The following FKBP15 variants were observed in gnomAD, a reference collection of about 807,000 sequenced individuals.
FKBP15 encodes FK506-binding protein 15.
A neutral mutation model predicts 158.1 loss-of-function variants in FKBP15; 106 were observed. The observed-to-expected ratio is 0.67, with a 90% CI of 0.57 to 0.79. The LOEUF (loss-of-function observed/expected upper bound fraction) is 0.79, where lower values mean the gene tolerates loss of function less well. FKBP15 is among the 30% of genes least tolerant of loss of function. The pLI is 0.00. For synonymous variants in FKBP15, 547 were observed against 548.6 expected (o/e 1.00, Z 0.04); for missense variants, 1,287 against 1,479.1 (o/e 0.87, Z 2.13).
rs182034110 is a variant in FKBP15 at position 113,164,010 on chromosome 9, A to G, written c.*2068T>C. On this transcript the variant is annotated 3_prime_UTR_variant, in exon 28 of 28. Transcript: ENST00000238256. The stretch of plus-strand genomic sequence containing the variant: ...CTGGATAGTTGAACCTCTTCACTTT[A>G]TAAAAAAGGAAAGAGAGAAAATCAC... 1 of 152,656 alleles carries G rather than the reference A, an allele frequency of 6.6e-6. No homozygotes were observed. The highest frequency in any genetic ancestry group is 1.5e-5 in the Non-Finnish European group (1 of 68,044). The allele number at this position is 152,656 out of a possible 1,614,324, so 9.5% of individuals were successfully genotyped here. A position where few individuals can be genotyped will look rare whatever the true frequency, so the allele number is the denominator to read the frequency against.
chr9:113,218,900 T>C (rs1396695917), intron 1 of FKBP15, among the ~76,000 whole-genome samples: 1 of 152,216 alleles, frequency 6.6e-6, no homozygotes, highest in African/African-American at 2.4e-5. Context: ...AGACTGGTGA[T>C]TTATCATTAC....
intron 8 of FKBP15, among the ~76,000 whole-genome samples, chr9:113,197,956 T>C (rs1830718967): frequency 6.6e-6 from 1 of 152,236 alleles, no homozygotes; most frequent in Non-Finnish European, 1.5e-5. Flanking sequence ...CATGAAATGA[T>C]GGAGAGAACC....
At chr9:113,211,861 G>C (rs1026021215) in intron 1 of FKBP15, among the ~76,000 whole-genome samples, 5 of 152,110 alleles carry the variant, frequency 3.3e-5, no homozygotes, top group Non-Finnish European at 7.4e-5. Flanking sequence ...CCAGGACCTT[G>C]GTCAAGGCAT....
At chr9:113,183,902 A>G in intron 17 of FKBP15, 57 bp from the exon 18 acceptor site, 1 of 1,317,730 alleles carries the variant, frequency 7.6e-7, no homozygotes, top group Non-Finnish European at 1.1e-6. Context: ...AGTGCCAGAT[A>G]GAAGAGAATC....
chr9:113,174,121 A>G (rs1381068962), intron 22 of FKBP15, among the ~76,000 whole-genome samples: 1 of 152,174 alleles, frequency 6.6e-6, no homozygotes, highest in East Asian at 1.9e-4. Context: ...AATGTGCCTG[A>G]AGGATGGTGT....
At position 113,161,767 on chromosome 9, in the gene FKBP15, C is replaced by G. The variant is rs751182305; in HGVS notation, c.*4311G>C. On this transcript the variant is annotated 3_prime_UTR_variant, in exon 28 of 28. Coordinates refer to ENST00000238256, the MANE Select transcript of FKBP15 (RefSeq NM_015258.2). ...ACCCTGAGAGACAGGCTGGCCCAGA[C>G]AGCATTAGCCCCACTTCACAGAGAG... is the stretch of plus-strand genomic sequence containing the variant. 1.6e-5 allele frequency: 24 copies of G among 1,525,584 alleles called. No individual in the cohort carries two copies. Among genetic ancestry groups the G allele is most frequent in the African/African-American group, 5.5e-5 (4 of 73,242 alleles). The allele number at this position is 1,525,584 out of a possible 1,614,324, so 94.5% of individuals were successfully genotyped here.
intron 24 of FKBP15, among the ~76,000 whole-genome samples, chr9:113,171,341 G>A (rs1029417969): frequency 2.0e-5 from 3 of 152,198 alleles, no homozygotes; most frequent in Non-Finnish European, 2.9e-5. Flanking sequence ...CAGGAGAATC[G>A]CTTGAACCTG....
At chr9:113,188,970 A>G (rs1830529536) in intron 12 of FKBP15, among the ~76,000 whole-genome samples, 1 of 152,244 alleles carries the variant, frequency 6.6e-6, no homozygotes, top group Admixed American at 6.5e-5. Context: ...CCTGATTAAC[A>G]TGCTGTTTTT....
intron 4 of FKBP15, among the ~76,000 whole-genome samples, chr9:113,205,281 A>T (rs1396918670): frequency 6.6e-6 from 1 of 152,234 alleles, no homozygotes; most frequent in Non-Finnish European, 1.5e-5. Context: ...AGGGTTTAAT[A>T]CTCAGAATAT....
At chr9:113,200,041 C>G in intron 6 of FKBP15, 78 bp from the exon 7 acceptor site, 3 of 1,408,870 alleles carry the variant, frequency 2.1e-6, no homozygotes, top group Non-Finnish European at 2.9e-6. Context: ...ACTGCTCTTT[C>G]TCAAATAGCT....
rs535686627 is a variant in FKBP15, at chr9:113,198,421, A to C, written c.717+434T>G. ...AACACATTTTCCCCTCGTATTCTTC[A>C]TCCAGGCATTTCCAGATGTCAAAAA... is the stretch of plus-strand genomic sequence containing the variant. On this transcript the variant is annotated intron_variant, in intron 8 of 27. Coordinates refer to ENST00000238256, the MANE Select transcript of FKBP15 (RefSeq NM_015258.2). This position sits in a 1 kb window ranked among gnomAD's most constrained non-coding sequence, Gnocchi z 5.2. Among the ~76,000 whole-genome samples the C allele has an allele frequency of 1.1e-4, 16 of 152,234 alleles. No individual in the cohort carries two copies. Among genetic ancestry groups the C allele is most frequent in the Non-Finnish European group, 1.6e-4 (11 of 68,038 alleles).
chr9:113,185,640 A>G (rs190609895), intron 15 of FKBP15, among the ~76,000 whole-genome samples: 1 of 152,280 alleles, frequency 6.6e-6, no homozygotes, highest in East Asian at 1.9e-4. Context: ...TACATTAGAT[A>G]CTCACATTTG....
In FKBP15 at chr9:113,186,241, C is replaced by T; in HGVS notation, c.1498+8G>A. On this transcript the variant is annotated splice_region_variant and intron_variant, in intron 15 of 27. Transcript: ENST00000238256. Reference sequence around the variant, plus strand: ...GGAAGATGAGAAACTGAGGGAATTACTCCCTACCTTGGAAATGGGGAGGCT... The same window carrying T: ...GGAAGATGAGAAACTGAGGGAATTATTCCCTACCTTGGAAATGGGGAGGCT... 1 of 1,546,652 alleles carries T rather than the reference C, an allele frequency of 6.5e-7. No individual in the cohort carries two copies. The highest frequency in any genetic ancestry group is 8.8e-7 in the Non-Finnish European group (1 of 1,141,048).
In FKBP15 at chr9:113,169,624, G is replaced by T. The variant is rs1764933327; in HGVS notation, c.3085C>A (p.Leu1029Met). 2 of 1,614,042 alleles carry T rather than the reference G, an allele frequency of 1.2e-6. No homozygotes were observed. Reference sequence around the variant, plus strand: ...ACTCTGTGGGATGGGATGCAAGACAGTTCGGGTGGAAGGGAACCATCTTTT... The same window carrying T: ...ACTCTGTGGGATGGGATGCAAGACATTTCGGGTGGAAGGGAACCATCTTTT... ...EIKDGSLPPE[L>M]SCIPSHRVLG... The change falls in exon 26 of 28, where the codon CTG becomes ATG. Residue 1029 changes from leucine (L) to methionine (M), a missense_variant. Transcript: ENST00000238256.
At chr9:113,189,551 A>C (rs1012035338) in intron 12 of FKBP15, among the ~76,000 whole-genome samples, 65 of 152,252 alleles carry the variant, frequency 4.3e-4, no homozygotes, top group South Asian at 2.7e-3. Flanking sequence ...GACCAGAAAA[A>C]AATAATCCTA....
At chr9:113,187,664 A>G in intron 14 of FKBP15, 129 bp downstream of exon 14, 2 of 721,580 alleles carry the variant, frequency 2.8e-6, no homozygotes, top group South Asian at 3.7e-5. Context: ...GTAACCAAGG[A>G]AGGGAAAAAA....
chr9:113,184,473 C>T lies in FKBP15; in HGVS notation c.1609-74G>A, dbSNP rs1044329321. On this transcript the variant is annotated intron_variant, in intron 16 of 27. Transcript: ENST00000238256. The surrounding 1 kb of genome is among the most constrained non-coding windows in gnomAD (Gnocchi z 4.5). ...AAATACAATTTACCCAAGATTTGAC[C>T]CTGTTGTTAAGGGGGTTAATGAGTT... is the stretch of plus-strand genomic sequence containing the variant. 4 of 1,283,662 alleles carry T rather than the reference C, an allele frequency of 3.1e-6. No individual in the cohort carries two copies. Among genetic ancestry groups the T allele is most frequent in the Non-Finnish European group, 4.4e-6 (4 of 906,042 alleles). The allele number at this position is 1,283,662 out of a possible 1,614,324, so 79.5% of individuals were successfully genotyped here.
At chr9:113,183,107 G>C (rs1830429093) in intron 18 of FKBP15, among the ~76,000 whole-genome samples, 1 of 152,072 alleles carries the variant, frequency 6.6e-6, no homozygotes, top group Admixed American at 6.6e-5. Context: ...CAATGTGAAT[G>C]GTGTGTGATA....
At chr9:113,183,385 T>C (rs1649772947) in intron 18 of FKBP15, among the ~76,000 whole-genome samples, 1 of 152,128 alleles carries the variant, frequency 6.6e-6, no homozygotes, top group African/African-American at 2.4e-5. Flanking sequence ...GGCTGAGTTC[T>C]GATGGATAAA....
Sources: gnomAD v4.1 joint callset for allele counts (sites outside exome capture counted in the v4.1 genomes callset) on GRCh38, gnomAD v4.1.1 for gene constraint, Gnocchi (gnomAD v3.1) non-coding constraint, MANE v1.5 for transcripts, NCBI Gene and HGNC (gene_info 2026-07-23, HGNC 2026-07-21) for gene names.